Variants in CHP1 observed in about 807,000 individuals in gnomAD.
CHP1 encodes calcineurin like EF-hand protein 1.
Under a neutral mutation model 27.4 loss-of-function variants are expected in CHP1, and 11 were observed. The ratio of observed to expected loss-of-function variants is 0.40; its 90% confidence interval spans 0.25 to 0.67. The LOEUF (loss-of-function observed/expected upper bound fraction) is 0.67. CHP1 is among the 30% of genes least tolerant of loss of function. The probability of loss-of-function intolerance (pLI) is 0.38; values close to 1 mark genes in which losing one functional copy is unlikely to be tolerated. For synonymous variants in CHP1, 89 were observed against 87.4 expected, an observed-to-expected ratio of 1.02 and a Z score of -0.10; for missense variants, 169 against 251.3, an observed-to-expected ratio of 0.67 and a Z score of 2.22.
chr15:41,269,420 A>C (rs1270509818), intron 4 of CHP1, among the ~76,000 whole-genome samples: 4 of 152,258 alleles, frequency 2.6e-5, no homozygotes, highest in South Asian at 2.1e-4. Flanking sequence ...TGTAGATATT[A>C]ATCCATGTTC....
intron 2 of CHP1, among the ~76,000 whole-genome samples, chr15:41,256,387 G>T (rs1177450095): frequency 6.6e-6 from 1 of 152,092 alleles, no homozygotes; most frequent in Non-Finnish European, 1.5e-5. Context: ...GAAAAAGCCA[G>T]AGTCAGAACA....
intron 1 of CHP1, among the ~76,000 whole-genome samples, chr15:41,233,053 A>G (rs1156594444): frequency 6.6e-6 from 1 of 152,204 alleles, no homozygotes; most frequent in African/African-American, 2.4e-5. Context: ...TGAATGACCC[A>G]AAGTAGTTAG....
At chr15:41,265,363 CAAAAAAAAAAAAAA>C (rs544658200) in intron 4 of CHP1, among the ~76,000 whole-genome samples, 21 of 36,920 alleles carry the variant, frequency 5.7e-4, no homozygotes, top group East Asian at 1.3e-3. Context: ...GACTCTGTCT[CAAAAAAAAAAAAAA>C]AAAAAAAAAA....
At chr15:41,261,684 CTG>C (rs1262779461) in intron 3 of CHP1, among the ~76,000 whole-genome samples, 2 of 151,442 alleles carry the variant, frequency 1.3e-5, no homozygotes, top group Non-Finnish European at 2.9e-5. Context: ...CGGTGAAACC[CTG>C]TCTGTACTAA....
chr15:41,273,962 T>G (rs1347108053), intron 5 of CHP1, among the ~76,000 whole-genome samples: 1 of 150,322 alleles, frequency 6.7e-6, no homozygotes, highest in African/African-American at 2.4e-5. Context: ...AATAAACTTC[T>G]TTTTTTTTAT....
In CHP1 at chr15:41,276,240, C is replaced by CAA. The variant is rs11451377; in HGVS notation, c.412-2514_412-2513dup. Among the ~76,000 whole-genome samples the CAA allele has an allele frequency of 3.3e-3, 422 of 125,988 alleles. 2 individuals are homozygous for CAA. The highest frequency in any genetic ancestry group is 0.01 in the African/African-American group (367 of 35,460). The allele number at this position is 125,988 out of a possible 152,430, so 82.7% of individuals were successfully genotyped here. A position where few individuals can be genotyped will look rare whatever the true frequency, so the allele number is the denominator to read the frequency against. On this transcript the variant is annotated intron_variant, in intron 5 of 6. Coordinates refer to ENST00000334660, the MANE Select transcript of CHP1 (RefSeq NM_007236.5). Reference sequence around the variant, plus strand: ...TGGGCAACAGAGTGAGACTCCATCTCAAAAAAAAAAAAAAGAATCTATTTC... The same window carrying CAA: ...TGGGCAACAGAGTGAGACTCCATCTCAAAAAAAAAAAAAAAAGAATCTATTTC...
intron 3 of CHP1, among the ~76,000 whole-genome samples, chr15:41,259,165 A>G (rs1021203732): frequency 6.6e-6 from 1 of 152,200 alleles, no homozygotes; most frequent in Non-Finnish European, 1.5e-5. Context: ...ATCCAGAGAT[A>G]ACTTTCACAG....
intron 1 of CHP1, among the ~76,000 whole-genome samples, chr15:41,242,019 T>A (rs1220365731): frequency 6.6e-6 from 1 of 152,196 alleles, no homozygotes; most frequent in African/African-American, 2.4e-5. Context: ...CAGAAAGGCC[T>A]TTTTGAGTTT....
chr15:41,254,469 A>G (rs746774556), intron 2 of CHP1, among the ~76,000 whole-genome samples: 4 of 152,220 alleles, frequency 2.6e-5, no homozygotes, highest in Non-Finnish European at 5.9e-5. Context: ...TAGACTTTGT[A>G]TTACAGAACA....
At chr15:41,267,739 TGGG>T (rs2047468854) in intron 4 of CHP1, among the ~76,000 whole-genome samples, 1 of 147,276 alleles carries the variant, frequency 6.8e-6, no homozygotes, top group African/African-American at 2.5e-5. Flanking sequence ...CAACAGAGCC[TGGG>T]CAACAGAACC....
chr15:41,278,240 G>T (rs2047529061), intron 5 of CHP1, among the ~76,000 whole-genome samples: 1 of 151,380 alleles, frequency 6.6e-6, no homozygotes, highest in Admixed American at 6.6e-5. Flanking sequence ...GGCTGAGGCA[G>T]GAGAACGGCG....
At chr15:41,253,008 G>A (rs1029833813) in intron 2 of CHP1, among the ~76,000 whole-genome samples, 3 of 137,552 alleles carry the variant, frequency 2.2e-5, no homozygotes, top group Admixed American at 8.0e-5. Context: ...GCGCAATCTT[G>A]GCTCACTGCA....
At chr15:41,253,252 T>C (rs572592828) in intron 2 of CHP1, among the ~76,000 whole-genome samples, 68 of 151,518 alleles carry the variant, frequency 4.5e-4, no homozygotes, top group Non-Finnish European at 3.7e-4. Flanking sequence ...ATGGATCTTA[T>C]GCTTGTGGTG....
rs774486537 is a variant in CHP1 at position 41,279,304 on chromosome 15, C to A, written c.535-32C>A. 4 of 1,566,306 alleles carry A rather than the reference C, an allele frequency of 2.6e-6. 1 individual carries two copies. In the South Asian group the frequency reaches 3.3e-5, roughly 13 times the overall value. Reference sequence around the variant, plus strand: ...CTTGGGAGTGTTGTAATCTTCATAACCTTTGTAACTGTTACTGGTTTTCTC... The same window carrying A: ...CTTGGGAGTGTTGTAATCTTCATAAACTTTGTAACTGTTACTGGTTTTCTC... On this transcript the variant is annotated intron_variant, in intron 6 of 6. Coordinates refer to ENST00000334660, the MANE Select transcript of CHP1 (RefSeq NM_007236.5).
chr15:41,268,558 CT>C (rs1478056813), intron 4 of CHP1, among the ~76,000 whole-genome samples: 1 of 151,090 alleles, frequency 6.6e-6, no homozygotes, highest in Non-Finnish European at 1.5e-5. Flanking sequence ...GGCAGAATTG[CT>C]TGAACCCGGG....
chr15:41,255,656 G>A (rs904407790), intron 2 of CHP1, among the ~76,000 whole-genome samples: 10 of 152,034 alleles, frequency 6.6e-5, no homozygotes, highest in Admixed American at 5.2e-4. Flanking sequence ...GCCTGGGAGC[G>A]AAACTCCATC....
At chr15:41,261,271 C>T (rs1433077771) in intron 3 of CHP1, among the ~76,000 whole-genome samples, 1 of 151,872 alleles carries the variant, frequency 6.6e-6, no homozygotes, top group Non-Finnish European at 1.5e-5. Context: ...TCTCCTGCCT[C>T]ACCCTCCCGA....
intron 2 of CHP1, among the ~76,000 whole-genome samples, chr15:41,250,720 A>C (rs1214704065): frequency 6.6e-6 from 1 of 151,166 alleles, no homozygotes; most frequent in Non-Finnish European, 1.5e-5. Flanking sequence ...TTTTAGTCTA[A>C]GAAGGTTCAC....
At chr15:41,270,378 A>T (rs1170042304) in intron 4 of CHP1, among the ~76,000 whole-genome samples, 179 bp from the exon 5 acceptor site, 1 of 152,216 alleles carries the variant, frequency 6.6e-6, no homozygotes, top group Non-Finnish European at 1.5e-5. Flanking sequence ...CTAAGAACTC[A>T]TCAATTCTCA....
Sources: allele counts gnomAD v4.1 joint callset (sites outside exome capture counted in the v4.1 genomes callset), GRCh38; gene constraint gnomAD v4.1.1; transcripts MANE v1.5; gene names NCBI Gene and HGNC (gene_info 2026-07-23, HGNC 2026-07-21).